AP1M1: variants seen among roughly 807,000 people sequenced by gnomAD.
AP1M1 encodes AP-1 complex subunit mu-1.
In AP1M1, 18 loss-of-function variants were observed where a neutral mutation model predicts 57.1. That is an observed-to-expected ratio of 0.32 (90% confidence interval 0.22 to 0.47). AP1M1 has a LOEUF of 0.47. Ranked by LOEUF, AP1M1 falls within the 20% of genes least tolerant of loss-of-function variation. The pLI is 1.00. For missense variants in AP1M1, 362 were observed against 593.5 expected (o/e 0.61, Z 4.05); for synonymous variants, 241 against 237.9 (o/e 1.01, Z -0.12).
At chr19:16,202,065 G>T (rs916871325) in intron 1 of AP1M1, among the ~76,000 whole-genome samples, 1 of 152,114 alleles carries the variant, frequency 6.6e-6, no homozygotes, top group African/African-American at 2.4e-5. Flanking sequence ...GCAGGGGGAG[G>T]GGCTGTTCCC....
intron 4 of AP1M1, chr19:16,208,402 C>T (rs573962303): frequency 8.7e-6 from 3 of 343,320 alleles, no homozygotes; most frequent in African/African-American, 6.2e-5. Context: ...CCTTCAGTAC[C>T]TTGCTACTAA....
At chr19:16,208,246 T>G in intron 4 of AP1M1, 97 bp downstream of exon 4, 1 of 1,374,558 alleles carries the variant, frequency 7.3e-7, no homozygotes, top group Non-Finnish European at 9.8e-7. Context: ...TTTGTGTTCA[T>G]GTTGTCCCCC....
chr19:16,201,485 G>T (rs1229274428), intron 1 of AP1M1, among the ~76,000 whole-genome samples: 2 of 124,430 alleles, frequency 1.6e-5, no homozygotes, highest in East Asian at 5.3e-4. Context: ...TGCAACCTCT[G>T]CCTCCCAGGT....
rs1207571821 is a variant in AP1M1 at position 16,209,074 on chromosome 19, G to A, written c.443G>A (p.Arg148Gln). The change falls in exon 5 of 12, where the codon CGG becomes CAG. Residue 148 changes from arginine (R) to glutamine (Q), a missense_variant. Arg to Gln is a conservative substitution (Grantham distance 43, BLOSUM62 1). Transcript: ENST00000291439. ...EGHKLETGAPRPPATVTNAVS... is the reference protein window; with the variant it reads ...EGHKLETGAPQPPATVTNAVS... ...CACAAGCTGGAAACAGGGGCCCCGC[G>A]GCCACCAGCCACCGTCACCAACGCG... The A allele has an allele frequency of 3.7e-6, 6 of 1,614,046 alleles. No homozygotes were observed. Among genetic ancestry groups the A allele is most frequent in the Non-Finnish European group, 4.2e-6 (5 of 1,180,032 alleles).
chr19:16,234,340 G>A, intron 11 of AP1M1, 66 bp downstream of exon 11: 1 of 1,613,174 alleles, frequency 6.2e-7, no homozygotes, highest in Non-Finnish European at 8.5e-7. Context: ...CCCCCAGGGT[G>A]GAGCCATCGG....
chr19:16,214,115 C>T (rs2091507518), intron 5 of AP1M1, among the ~76,000 whole-genome samples: 1 of 147,632 alleles, frequency 6.8e-6, no homozygotes, highest in East Asian at 2.0e-4. Context: ...ATGGCGTGAT[C>T]TTGGCTCACT....
intron 2 of AP1M1, among the ~76,000 whole-genome samples, chr19:16,204,013 G>T (rs1250105101): frequency 6.6e-6 from 1 of 152,204 alleles, no homozygotes; most frequent in Non-Finnish European, 1.5e-5. Context: ...GGGCAGCGAG[G>T]CTGGAGTGGT....
At position 16,228,133 on chromosome 19, in the gene AP1M1, G is replaced by A. The variant is rs1040275432; in HGVS notation, c.817-4G>A. 11 of 1,613,800 alleles carry A rather than the reference G, an allele frequency of 6.8e-6. No individual in the cohort carries two copies. The highest frequency in any genetic ancestry group is 9.3e-6 in the Non-Finnish European group (11 of 1,180,004). On this transcript the variant is annotated splice_region_variant and splice_polypyrimidine_tract_variant and intron_variant, in intron 7 of 11. Coordinates refer to ENST00000291439, the MANE Select transcript of AP1M1 (RefSeq NM_032493.4). The surrounding 1 kb of genome is among the most constrained non-coding windows in gnomAD (Gnocchi z 5.0). ...GTGAGCACCCTCTTTGCCCTCCTTG[G>A]CAGGTCAAGCCTTTGATATGGATCG...
In AP1M1 at chr19:16,209,141, G is replaced by A. The variant is rs768068780; in HGVS notation, c.510G>A (p.Glu170=). Residue 170 remains glutamate, a synonymous_variant, in exon 5 of 12, where the codon GAG becomes GAA. Coordinates refer to ENST00000291439, the MANE Select transcript of AP1M1 (RefSeq NM_032493.4). ...RSEGIKYRKN[E]VFLDVIESVN... is the part of the protein sequence containing the mutation. ...AAGGCATCAAGTATCGGAAGAATGA[G>A]GTGTTCTTGGACGTCATCGAGTCTG... 4 of 1,614,084 alleles carry A rather than the reference G, an allele frequency of 2.5e-6. No individual in the cohort carries two copies. The highest frequency in any genetic ancestry group is 3.3e-4 in the Middle Eastern group (2 of 6,084).
Position 16,203,133 on chromosome 19 carries a change from T to G in AP1M1, c.43-326T>G. On this transcript the variant is annotated intron_variant, in intron 1 of 11. Coordinates refer to ENST00000291439, the MANE Select transcript of AP1M1 (RefSeq NM_032493.4). The surrounding 1 kb of genome is among the most constrained non-coding windows in gnomAD (Gnocchi z 4.6). ...TGGCCCGGCAAAGGCTCTGAGAAGG[T>G]CTGCATTGAGAGCTTGTGAGGCATT... The G allele has an allele frequency of 3.1e-6, 1 of 319,258 alleles. No individual in the cohort carries two copies. The highest frequency in any genetic ancestry group is 5.9e-6 in the Non-Finnish European group (1 of 168,524). 19.8% of individuals were successfully genotyped at this position (319,258 alleles called of 1,614,324 possible). A position where few individuals can be genotyped will look rare whatever the true frequency, so the allele number is the denominator to read the frequency against.
In AP1M1 at chr19:16,197,983, G is replaced by GCCGCCACCGCCCTCGGCCGCTGCCC; in HGVS notation, c.-20_-19insCCCGCCACCGCCCTCGGCCGCTGCC. ...CCCAGCAGTCCCCACCGTCGCTGCC[G>GCCGCCACCGCCCTCGGCCGCTGCCC]CCGCCACCGCCCTCGGCCGCTGCCG... On this transcript the variant is annotated 5_prime_UTR_variant, in exon 1 of 12. Coordinates refer to ENST00000291439, the MANE Select transcript of AP1M1 (RefSeq NM_032493.4). The GCCGCCACCGCCCTCGGCCGCTGCCC allele has an allele frequency of 6.5e-7, 1 of 1,533,592 alleles. No homozygotes were observed. Among genetic ancestry groups the GCCGCCACCGCCCTCGGCCGCTGCCC allele is most frequent in the Admixed American group, 2.1e-5 (1 of 48,208 alleles). The allele number at this position is 1,533,592 out of a possible 1,614,324, so 95.0% of individuals were successfully genotyped here. A position where few individuals can be genotyped will look rare whatever the true frequency, so the allele number is the denominator to read the frequency against.
intron 1 of AP1M1, among the ~76,000 whole-genome samples, chr19:16,199,126 C>T (rs867217963): frequency 5.3e-5 from 8 of 152,046 alleles, no homozygotes; most frequent in Admixed American, 1.3e-4. Flanking sequence ...TGTGTTCTTA[C>T]GGTGTTCACA....
At chr19:16,202,802 G>A (rs1463007438) in intron 1 of AP1M1, 1 of 152,788 alleles carries the variant, frequency 6.5e-6, no homozygotes, top group Non-Finnish European at 1.5e-5. Flanking sequence ...TCTCGTGCTA[G>A]TGTTTGTGCA....
chr19:16,231,160 T>C lies in AP1M1; in HGVS notation c.1047+2232T>C, dbSNP rs375153989. Among the ~76,000 whole-genome samples the C allele has an allele frequency of 4.4e-4, 66 of 151,502 alleles. 1 individual carries two copies. The highest frequency in any genetic ancestry group is 2.7e-3 in the Admixed American group (41 of 15,210). On this transcript the variant is annotated intron_variant, in intron 9 of 11. Coordinates refer to ENST00000291439, the MANE Select transcript of AP1M1 (RefSeq NM_032493.4). ...AAAATTAGCCGGGTGTGGTGGTGGG[T>C]GCCTGTAGTCCCAGCTACTCGGGAG... is the stretch of plus-strand genomic sequence containing the variant.
In AP1M1 at chr19:16,228,217, G is replaced by A; in HGVS notation, c.888+9G>A. 2 of 1,613,058 alleles carry A rather than the reference G, an allele frequency of 1.2e-6. No individual in the cohort carries two copies. Among genetic ancestry groups the A allele is most frequent in the African/African-American group, 1.3e-5 (1 of 75,078 alleles). On this transcript the variant is annotated intron_variant, in intron 8 of 11. Transcript: ENST00000291439. The surrounding 1 kb of genome is among the most constrained non-coding windows in gnomAD (Gnocchi z 5.0). ...TCGAGTACATGATCAAGGTGCGTGG[G>A]CCGAGGCCACCCACTGAGGGCCTTC...
At position 16,206,307 on chromosome 19, in the gene AP1M1, C is replaced by T. The variant is rs1424630691; in HGVS notation, c.200-34C>T. The T allele has an allele frequency of 6.2e-7, 1 of 1,611,738 alleles. No individual in the cohort carries two copies. Among genetic ancestry groups the T allele is most frequent in the Admixed American group, 1.7e-5 (1 of 60,002 alleles). ...GGATCTTCCAGGCAGCAGCCCCAGCCTCTGAATGCTCCTTAACTGTGGCCG... is the reference window on the plus strand; with the variant it reads ...GGATCTTCCAGGCAGCAGCCCCAGCTTCTGAATGCTCCTTAACTGTGGCCG... On this transcript the variant is annotated intron_variant, in intron 2 of 11. Coordinates refer to ENST00000291439, the MANE Select transcript of AP1M1 (RefSeq NM_032493.4). The surrounding 1 kb of genome is among the most constrained non-coding windows in gnomAD (Gnocchi z 4.3).
intron 6 of AP1M1, among the ~76,000 whole-genome samples, chr19:16,226,936 G>A (rs10469464): frequency 0.66 from 100,159 of 152,120 alleles, 35,228 homozygotes; most frequent in Non-Finnish European, 0.8. Context: ...TCTCGCTCCC[G>A]CCGCCTGGCC....
rs944427611 is a variant in AP1M1 at position 16,238,858 on chromosome 19, TACA to T, written c.*4424_*4426del. 5 of 152,152 alleles carry T rather than the reference TACA, an allele frequency of 3.3e-5. No individual in the cohort carries two copies. Among genetic ancestry groups the T allele is most frequent in the Admixed American group, 3.3e-4 (5 of 15,252 alleles). 9.4% of individuals were successfully genotyped at this position (152,152 alleles called of 1,614,324 possible). A position where few individuals can be genotyped will look rare whatever the true frequency, so the allele number is the denominator to read the frequency against. ...CCTTGGCCTCCCAAAGTGCTGGGAT[TACA>T]GGCATGAGCCACAGTGCCCAGCCCT... On this transcript the variant is annotated 3_prime_UTR_variant, in exon 12 of 12. Coordinates refer to ENST00000291439, the MANE Select transcript of AP1M1 (RefSeq NM_032493.4).
chr19:16,233,368 G>A, intron 9 of AP1M1, 125 bp from the exon 10 acceptor site: 1 of 1,352,474 alleles, frequency 7.4e-7, no homozygotes, highest in Non-Finnish European at 9.7e-7. Flanking sequence ...CCAGCACAGG[G>A]GCTCATGCTC....
Sources: allele counts gnomAD v4.1 joint callset (sites outside exome capture counted in the v4.1 genomes callset), GRCh38; gene constraint gnomAD v4.1.1; non-coding constraint Gnocchi (gnomAD v3.1); transcripts MANE v1.5; gene names NCBI Gene and HGNC (gene_info 2026-07-23, HGNC 2026-07-21).